Variants in ZNF385D observed in about 807,000 individuals in gnomAD.
ZNF385D encodes the protein zinc finger protein 385D, also known as zinc finger protein 659.
Under a neutral mutation model 35.8 loss-of-function variants are expected in ZNF385D, and 15 were observed. The observed-to-expected ratio is 0.42, with a 90% CI of 0.28 to 0.64. The LOEUF is 0.64. ZNF385D is among the 30% of genes least tolerant of loss of function. The pLI is 0.23. For missense variants in ZNF385D, 474 were observed against 494.6 expected (o/e 0.96, Z 0.39); for synonymous variants, 212 against 186.8 (o/e 1.13, Z -1.10).
chr3:21,685,343 C>T (rs2067070538), intron 1 of ZNF385D, among the ~76,000 whole-genome samples: 1 of 152,172 alleles, frequency 6.6e-6, no homozygotes, highest in African/African-American at 2.4e-5. Context: ...AACACAAGCA[C>T]ACTTTCAAAA....
At chr3:21,660,464 C>T (rs775463128) in intron 2 of ZNF385D, among the ~76,000 whole-genome samples, 61 of 152,168 alleles carry the variant, frequency 4.0e-4, no homozygotes, top group African/African-American at 1.4e-3. Context: ...GCCATGGGGA[C>T]GGGGGCATGG....
chr3:22,293,966 G>T (rs1043367505), intron 2 of ZNF385D, among the ~76,000 whole-genome samples: 1 of 151,556 alleles, frequency 6.6e-6, no homozygotes, highest in African/African-American at 2.4e-5. Context: ...TTAAGTTTGG[G>T]ATCAATGAAT....
intron 3 of ZNF385D, among the ~76,000 whole-genome samples, chr3:21,899,507 G>T (rs1699297433): frequency 6.6e-6 from 1 of 152,044 alleles, no homozygotes; most frequent in South Asian, 2.1e-4. Flanking sequence ...TCAAAACTTT[G>T]CATTTACAAC....
intron 2 of ZNF385D, among the ~76,000 whole-genome samples, chr3:22,246,302 C>T (rs944006451): frequency 2.6e-5 from 4 of 152,030 alleles, no homozygotes; most frequent in East Asian, 1.9e-4. Context: ...AAGGATGGCA[C>T]GCAAATTTTT....
chr3:21,813,579 A>G (rs1453441588), intron 3 of ZNF385D, among the ~76,000 whole-genome samples: 3 of 152,200 alleles, frequency 2.0e-5, no homozygotes, highest in Non-Finnish European at 2.9e-5. Flanking sequence ...AGCTGATTTG[A>G]TCAAGTGGAA....
In ZNF385D at chr3:21,886,903, C is replaced by T. The variant is rs542992903; in HGVS notation, c.326-221875G>A. 2.0e-5 allele frequency among the ~76,000 whole-genome samples: 3 copies of T among 152,256 alleles called. No individual in the cohort carries two copies. The South Asian group carries it at 6.2e-4, about 32-fold the overall frequency. Reference sequence around the variant, plus strand: ...TGCCCCCGTGGGTCCCCTCCCATTACATACTTTCATTCATATGGGTCGGCC... The same window carrying T: ...TGCCCCCGTGGGTCCCCTCCCATTATATACTTTCATTCATATGGGTCGGCC... On this transcript the variant is annotated intron_variant, in intron 3 of 5. Coordinates refer to the ZNF385D transcript ENST00000494108.
At chr3:21,730,476 T>C (rs1462010196) in intron 1 of ZNF385D, among the ~76,000 whole-genome samples, 2 of 152,236 alleles carry the variant, frequency 1.3e-5, no homozygotes, top group Non-Finnish European at 2.9e-5. Context: ...TCATAATCCA[T>C]TGCCAGATAA....
At chr3:22,287,186 T>G (rs1032504335) in intron 2 of ZNF385D, among the ~76,000 whole-genome samples, 4 of 152,052 alleles carry the variant, frequency 2.6e-5, no homozygotes, top group Non-Finnish European at 5.9e-5. Context: ...CTAATATAAG[T>G]ATAGCTACCT....
chr3:22,216,882 C>G (rs1262192461), intron 2 of ZNF385D, among the ~76,000 whole-genome samples: 1 of 152,064 alleles, frequency 6.6e-6, no homozygotes, highest in Non-Finnish European at 1.5e-5. Flanking sequence ...TTTTATTTTG[C>G]CTTTTGTGGC....
chr3:22,239,835 T>A (rs1158599885), intron 2 of ZNF385D, among the ~76,000 whole-genome samples: 2 of 150,600 alleles, frequency 1.3e-5, no homozygotes, highest in Non-Finnish European at 2.9e-5. Flanking sequence ...ATAAGTGACA[T>A]GTCTTCATAG....
intron 3 of ZNF385D, among the ~76,000 whole-genome samples, chr3:21,856,162 G>A (rs561822174): frequency 6.6e-6 from 1 of 152,102 alleles, no homozygotes; most frequent in East Asian, 1.9e-4. Context: ...TTTTTCACAT[G>A]AGGTATTTTA....
chr3:22,334,083 C>T (rs963037288), intron 2 of ZNF385D, among the ~76,000 whole-genome samples: 3 of 152,146 alleles, frequency 2.0e-5, no homozygotes, highest in African/African-American at 7.2e-5. Context: ...TATGCGTTCA[C>T]ATATTTAATG....
intron 2 of ZNF385D, among the ~76,000 whole-genome samples, chr3:22,290,748 T>C (rs1177683275): frequency 2.0e-5 from 3 of 152,242 alleles, no homozygotes; most frequent in Middle Eastern, 6.8e-3. Context: ...AACTTGTTTA[T>C]CTCAGAAGTA....
intron 3 of ZNF385D, among the ~76,000 whole-genome samples, chr3:21,908,142 C>CTATCTATT (rs1331681780): frequency 1.3e-5 from 2 of 149,246 alleles, no homozygotes; most frequent in Admixed American, 6.7e-5. Flanking sequence ...ATCTATCTAT[C>CTATCTATT]TATCTATCTA....
Position 21,421,145 on chromosome 3 carries a change from T to C in ZNF385D, c.*69A>G. 7.8e-7 allele frequency: 1 copy of C among 1,287,718 alleles called. No individual in the cohort carries two copies. Among genetic ancestry groups the C allele is most frequent in the African/African-American group, 1.5e-5 (1 of 67,478 alleles). The allele number at this position is 1,287,718 out of a possible 1,614,324, so 79.8% of individuals were successfully genotyped here. A position where few individuals can be genotyped will look rare whatever the true frequency, so the allele number is the denominator to read the frequency against. On this transcript the variant is annotated 3_prime_UTR_variant, in exon 8 of 8. Transcript: ENST00000281523. The stretch of plus-strand genomic sequence containing the variant: ...TAAACTATAAATAAACACTGCATAG[T>C]TCTCTTTTGTTTGTTTTGTTTTTTG...
chr3:22,006,102 A>G (rs1696181492), intron 3 of ZNF385D, among the ~76,000 whole-genome samples: 1 of 152,120 alleles, frequency 6.6e-6, no homozygotes, highest in Admixed American at 6.5e-5. Flanking sequence ...TTCTAATTTC[A>G]TATGATGATC....
chr3:22,129,816 A>C (rs984164901), intron 3 of ZNF385D, among the ~76,000 whole-genome samples: 2 of 152,010 alleles, frequency 1.3e-5, no homozygotes, highest in African/African-American at 4.8e-5. Flanking sequence ...GTGGTGCTTT[A>C]TTTTACTGTG....
rs955019778 is a variant in ZNF385D at position 21,773,646 on chromosome 3, T to C, written c.326-108618A>G. The stretch of plus-strand genomic sequence containing the variant: ...GACACTTCTCAAAAGACTACATACA[T>C]GCAGCCCACAAACATATGTTAACAA... On this transcript the variant is annotated intron_variant, in intron 3 of 5. Transcript: ENST00000494108. Among the ~76,000 whole-genome samples, 14 of 151,832 alleles carry C rather than the reference T, an allele frequency of 9.2e-5. No homozygotes were observed. The East Asian group carries it at 2.3e-3, about 25-fold the overall frequency.
At chr3:22,140,261 T>A (rs6768299) in intron 3 of ZNF385D, among the ~76,000 whole-genome samples, 63,895 of 152,026 alleles carry the variant, frequency 0.42, 14,842 homozygotes, top group East Asian at 0.8. Context: ...AAGGAACAGA[T>A]TATTGATAAC....
Sources: gnomAD v4.1 joint callset for allele counts (sites outside exome capture counted in the v4.1 genomes callset) on GRCh38, gnomAD v4.1.1 for gene constraint, MANE v1.5 for transcripts, NCBI Gene and HGNC (gene_info 2026-07-23, HGNC 2026-07-21) for gene names.